The following SNTB1 variants were observed in gnomAD, a reference collection of about 807,000 sequenced individuals.
SNTB1 encodes the protein beta-1-syntrophin.
SNTB1 carries 36 observed loss-of-function variants against 48.9 expected under a neutral mutation model. The observed-to-expected ratio is 0.74, with a 90% CI of 0.56 to 0.97. The LOEUF is 0.97. Ranked by LOEUF, SNTB1 falls within the 50% of genes least tolerant of loss-of-function variation. The pLI is 0.00. For missense variants in SNTB1, 786 were observed against 703.4 expected (o/e 1.12, Z -1.33); for synonymous variants, 299 against 294.6 (o/e 1.01, Z -0.15).
intron 1 of SNTB1, among the ~76,000 whole-genome samples, chr8:120,734,663 A>G (rs1679564055): frequency 6.6e-6 from 1 of 152,156 alleles, no homozygotes; most frequent in Non-Finnish European, 1.5e-5. Flanking sequence ...CTAGGGTTCA[A>G]TCTAGGGTTT....
intron 1 of SNTB1, among the ~76,000 whole-genome samples, chr8:120,785,325 G>A (rs536374456): frequency 2.0e-5 from 3 of 152,308 alleles, no homozygotes; most frequent in East Asian, 3.9e-4. Context: ...AGTCAAGAAG[G>A]GTTATGGCCC....
intron 1 of SNTB1, among the ~76,000 whole-genome samples, chr8:120,804,991 A>T (rs1359588577): frequency 6.6e-6 from 1 of 152,212 alleles, no homozygotes; most frequent in African/African-American, 2.4e-5. Context: ...ACTTATCTGT[A>T]TCTGTCAATA....
At chr8:120,633,389 T>C (rs529997381) in intron 2 of SNTB1, among the ~76,000 whole-genome samples, 3 of 152,120 alleles carry the variant, frequency 2.0e-5, no homozygotes, top group Admixed American at 6.6e-5. Context: ...GCAGATCACC[T>C]GAGGTCAGGA....
At chr8:120,654,285 G>A (rs945503749) in intron 2 of SNTB1, among the ~76,000 whole-genome samples, 1 of 151,840 alleles carries the variant, frequency 6.6e-6, no homozygotes, top group African/African-American at 2.4e-5. Flanking sequence ...TACATTTCTG[G>A]AACTAGGAAA....
intron 1 of SNTB1, among the ~76,000 whole-genome samples, chr8:120,732,143 TG>T (rs1326548341): frequency 6.6e-6 from 1 of 152,210 alleles, no homozygotes; most frequent in African/African-American, 2.4e-5. Context: ...TGGCAGTGTT[TG>T]TTTCTTCAAA....
chr8:120,685,390 C>T (rs1231360207), intron 2 of SNTB1, among the ~76,000 whole-genome samples: 1 of 152,208 alleles, frequency 6.6e-6, no homozygotes, highest in African/African-American at 2.4e-5. Context: ...GCTTGTGCAC[C>T]CTGTGTATTG....
intron 3 of SNTB1, among the ~76,000 whole-genome samples, chr8:120,626,265 T>C (rs1280108345): frequency 6.6e-6 from 1 of 152,150 alleles, no homozygotes; most frequent in East Asian, 1.9e-4. Context: ...AAATAGGTAA[T>C]TAGATAGGGA....
chr8:120,809,076 C>G (rs1006084974), intron 1 of SNTB1, among the ~76,000 whole-genome samples: 1 of 152,152 alleles, frequency 6.6e-6, no homozygotes, highest in African/African-American at 2.4e-5. Context: ...TTGAGGTGAT[C>G]CTAATAAGCC....
intron 2 of SNTB1, among the ~76,000 whole-genome samples, chr8:120,676,145 C>G (rs1447158238): frequency 2.6e-5 from 4 of 152,152 alleles, no homozygotes; most frequent in Non-Finnish European, 1.5e-5. Context: ...TAAGTTTGAC[C>G]TTAAATAACT....
chr8:120,675,282 T>C (rs1465922850), intron 2 of SNTB1, among the ~76,000 whole-genome samples: 1 of 152,184 alleles, frequency 6.6e-6, no homozygotes, highest in East Asian at 1.9e-4. Flanking sequence ...AGGCTAAGCT[T>C]CCTGAGAATT....
chr8:120,544,124 A>G (rs773371914), intron 5 of SNTB1, among the ~76,000 whole-genome samples: 16 of 152,266 alleles, frequency 1.1e-4, no homozygotes, highest in Non-Finnish European at 1.9e-4. Context: ...CAACCCGCAG[A>G]CCATGTGGGT....
At chr8:120,605,721 C>T (rs561742920) in intron 3 of SNTB1, among the ~76,000 whole-genome samples, 4 of 152,248 alleles carry the variant, frequency 2.6e-5, no homozygotes, top group African/African-American at 9.6e-5. Context: ...TAGGGCAAAG[C>T]CCCAGTGTAA....
intron 2 of SNTB1, among the ~76,000 whole-genome samples, chr8:120,671,991 A>T (rs1817765909): frequency 6.6e-6 from 1 of 152,240 alleles, no homozygotes; most frequent in Admixed American, 6.5e-5. Context: ...AGCAATGTGC[A>T]TTCAGTAGAA....
In SNTB1 at chr8:120,690,932, G is replaced by A. The variant is rs1223477665; in HGVS notation, c.788+2760C>T. Among the ~76,000 whole-genome samples, 3 of 152,324 alleles carry A rather than the reference G, an allele frequency of 2.0e-5. No individual in the cohort carries two copies. In the East Asian group the frequency reaches 5.8e-4, roughly 29 times the overall value. On this transcript the variant is annotated intron_variant, in intron 2 of 6. Coordinates refer to ENST00000517992, the MANE Select transcript of SNTB1 (RefSeq NM_021021.4). ...AGTCCCTTCGGAACCATCTGGCTTA[G>A]CTGGATTCTCATGTTTGATTCTGCC...
chr8:120,717,555 C>A (rs1000235630), intron 1 of SNTB1, among the ~76,000 whole-genome samples: 1 of 152,224 alleles, frequency 6.6e-6, no homozygotes, highest in African/African-American at 2.4e-5. Flanking sequence ...TAGTGCTAAG[C>A]CTCCGAAGCA....
intron 3 of SNTB1, among the ~76,000 whole-genome samples, chr8:120,624,155 C>T (rs1219689205): frequency 6.6e-6 from 1 of 152,152 alleles, no homozygotes; most frequent in South Asian, 2.1e-4. Context: ...CCAGGCTGGT[C>T]TCAAACTCCT....
intron 1 of SNTB1, 134 bp downstream of exon 1, chr8:120,811,139 C>T: frequency 4.8e-6 from 6 of 1,250,514 alleles, no homozygotes; most frequent in Non-Finnish European, 6.4e-6. Flanking sequence ...CTTCCCCCCC[C>T]CCCAACACAC....
chr8:120,755,142 T>TTG (rs71308607), intron 1 of SNTB1, among the ~76,000 whole-genome samples: 2,870 of 59,660 alleles, frequency 0.048, 50 homozygotes, highest in South Asian at 0.11. Flanking sequence ...TGCTGTGGTG[T>TTG]TGTGTGTGTG....
At chr8:120,546,549 C>T (rs1371365457) in intron 5 of SNTB1, among the ~76,000 whole-genome samples, 1 of 152,140 alleles carries the variant, frequency 6.6e-6, no homozygotes, top group Non-Finnish European at 1.5e-5. Flanking sequence ...GATTTTGGCT[C>T]ACTGCAACCT....
Sources: gnomAD v4.1 joint callset for allele counts (sites outside exome capture counted in the v4.1 genomes callset) on GRCh38, gnomAD v4.1.1 for gene constraint, MANE v1.5 for transcripts, NCBI Gene and HGNC (gene_info 2026-07-23, HGNC 2026-07-21) for gene names.